The following PBX4 variants were observed in gnomAD, a reference collection of about 807,000 sequenced individuals.
PBX4 encodes the protein pre-B-cell leukemia transcription factor 4.
A neutral mutation model predicts 35.1 loss-of-function variants in PBX4; 26 were observed. The observed-to-expected ratio is 0.74, with a 90% confidence interval of 0.54 to 1.03. The LOEUF (loss-of-function observed/expected upper bound fraction) is 1.03. PBX4 is among the 50% of genes least tolerant of loss of function. PBX4 has a pLI of 0.00. For missense variants in PBX4, 448 were observed against 504.3 expected (o/e 0.89, Z 1.07); for synonymous variants, 199 against 204.2 (o/e 0.97, Z 0.22).
intron 1 of PBX4, among the ~76,000 whole-genome samples, chr19:19,603,775 A>G (rs535450133): frequency 2.0e-5 from 3 of 151,378 alleles, no homozygotes; most frequent in Admixed American, 6.6e-5. Context: ...TGGCCAACAT[A>G]GTGAGACAAT....
chr19:19,616,632 T>G (rs932881430), intron 1 of PBX4, among the ~76,000 whole-genome samples: 6 of 151,838 alleles, frequency 4.0e-5, no homozygotes, highest in Non-Finnish European at 8.8e-5. Context: ...AACAAAACTC[T>G]TTACTGAGAT....
rs112396932 is a variant in PBX4 at position 19,618,634 on chromosome 19, G to A, written c.-5C>T. 2.5e-6 allele frequency: 3 copies of A among 1,221,178 alleles called. No individual in the cohort carries two copies. Among genetic ancestry groups the A allele is most frequent in the East Asian group, 3.4e-5 (1 of 29,210 alleles). 75.6% of individuals were successfully genotyped at this position (1,221,178 alleles called of 1,614,324 possible). A position where few individuals can be genotyped will look rare whatever the true frequency, so the allele number is the denominator to read the frequency against. On this transcript the variant is annotated 5_prime_UTR_variant, in exon 1 of 8. Transcript: ENST00000251203. ...GGGGCGCGGCGGGGCGGCCATGAGC[G>A]GCAGGGCCGGGCGGGCGCTGTGAGG...
At chr19:19,610,072 G>A (rs543875037) in intron 1 of PBX4, among the ~76,000 whole-genome samples, 1 of 152,174 alleles carries the variant, frequency 6.6e-6, no homozygotes, top group African/African-American at 2.4e-5. Flanking sequence ...TATTTCAAAG[G>A]GGATTTTGCC....
At chr19:19,600,782 A>C (rs1293248841) in intron 1 of PBX4, among the ~76,000 whole-genome samples, 1 of 150,230 alleles carries the variant, frequency 6.7e-6, no homozygotes, top group African/African-American at 2.5e-5. Context: ...GCACCAGTGA[A>C]CTCCAGCCTG....
intron 4 of PBX4, among the ~76,000 whole-genome samples, chr19:19,569,828 T>A (rs2061369266): frequency 6.6e-6 from 1 of 152,172 alleles, no homozygotes; most frequent in Admixed American, 6.6e-5. Flanking sequence ...TAGAATCGCT[T>A]GAACCTGGGA....
intron 1 of PBX4, among the ~76,000 whole-genome samples, chr19:19,614,091 C>T (rs971810814): frequency 7.2e-5 from 11 of 152,174 alleles, no homozygotes; most frequent in Non-Finnish European, 1.3e-4. Context: ...CTCTGGGAGG[C>T]CAAGATGGGT....
At chr19:19,592,671 C>G (rs2061536259) in intron 2 of PBX4, among the ~76,000 whole-genome samples, 2 of 152,172 alleles carry the variant, frequency 1.3e-5, no homozygotes, top group Non-Finnish European at 2.9e-5. Context: ...ATAAGGGGAA[C>G]TGGATGAAAG....
At chr19:19,584,623 GTTT>G (rs34113731) in intron 2 of PBX4, among the ~76,000 whole-genome samples, 4 of 132,110 alleles carry the variant, frequency 3.0e-5, no homozygotes, top group Non-Finnish European at 1.6e-5. Flanking sequence ...CCAAGGGCTG[GTTT>G]TTTTTTTTTT....
At chr19:19,571,434 C>T (rs2061382244) in intron 2 of PBX4, among the ~76,000 whole-genome samples, 1 of 152,134 alleles carries the variant, frequency 6.6e-6, no homozygotes, top group African/African-American at 2.4e-5. Context: ...AGATAATGGG[C>T]CCTACAATTT....
chr19:19,563,000 T>A lies in PBX4; in HGVS notation c.1032+509A>T, dbSNP rs1028925386. Among the ~76,000 whole-genome samples the A allele has an allele frequency of 5.9e-5, 9 of 152,094 alleles. No homozygotes were observed. Among genetic ancestry groups the A allele is most frequent in the Admixed American group, 4.6e-4 (7 of 15,256 alleles). ...TTGGGAGGGGCACCCGGCTCTGCAG[T>A]GCCCTGGCACACACCACACACACAG... On this transcript the variant is annotated intron_variant, in intron 7 of 7. Coordinates refer to ENST00000251203, the MANE Select transcript of PBX4 (RefSeq NM_025245.3). The surrounding 1 kb of genome is among the most constrained non-coding windows in gnomAD (Gnocchi z 4.8).
chr19:19,611,815 A>G (rs1452783773), intron 1 of PBX4, among the ~76,000 whole-genome samples: 6 of 152,028 alleles, frequency 3.9e-5, no homozygotes, highest in Non-Finnish European at 8.8e-5. Context: ...CTCACACACC[A>G]CACTGCTTGC....
chr19:19,580,502 A>C (rs2061447339), intron 2 of PBX4, among the ~76,000 whole-genome samples: 1 of 152,158 alleles, frequency 6.6e-6, no homozygotes. Context: ...ACCTGGGCTG[A>C]GGTTAACTTT....
chr19:19,562,031 A>T lies in PBX4; in HGVS notation c.1119T>A (p.Ser373=). ...GDPGSINSST[S]N The stretch of plus-strand genomic sequence containing the variant: ...TCCTGCTTATCCCCCAAACTTAATT[A>T]GATGTACTGGAGTTGATGCTGCCAG... Residue 373 remains serine, a synonymous_variant, in exon 8 of 8, where the codon TCT becomes TCA. Coordinates refer to ENST00000251203, the MANE Select transcript of PBX4 (RefSeq NM_025245.3). This position sits in a 1 kb window ranked among gnomAD's most constrained non-coding sequence, Gnocchi z 4.8. The T allele has an allele frequency of 6.2e-7, 1 of 1,611,860 alleles. No homozygotes were observed. Among genetic ancestry groups the T allele is most frequent in the African/African-American group, 1.3e-5 (1 of 74,972 alleles).
chr19:19,567,146 C>A (rs2061347722), intron 5 of PBX4, among the ~76,000 whole-genome samples: 1 of 152,162 alleles, frequency 6.6e-6, no homozygotes. Context: ...ACATGGGAGG[C>A]CCCAGAGGCT....
At chr19:19,564,279 G>A (rs1381725934) in intron 6 of PBX4, among the ~76,000 whole-genome samples, 1 of 150,984 alleles carries the variant, frequency 6.6e-6, no homozygotes, top group Admixed American at 6.6e-5. Context: ...TACTGAGAAT[G>A]ATGATTTCCA....
chr19:19,565,225 C>T, intron 5 of PBX4, 136 bp from the exon 6 acceptor site: 1 of 1,107,706 alleles, frequency 9.0e-7, no homozygotes, highest in Non-Finnish European at 1.3e-6. Flanking sequence ...TATGAAGAGT[C>T]TGGGACTGAG....
chr19:19,562,146 T>G lies in PBX4; in HGVS notation c.1033-29A>C, dbSNP rs377664465. 42 of 1,563,038 alleles carry G rather than the reference T, an allele frequency of 2.7e-5. No individual in the cohort carries two copies. In the African/African-American group the frequency reaches 4.6e-4, roughly 17 times the overall value. On this transcript the variant is annotated intron_variant, in intron 7 of 7. Transcript: ENST00000251203. This position sits in a 1 kb window ranked among gnomAD's most constrained non-coding sequence, Gnocchi z 4.8. Reference sequence around the variant, plus strand: ...AAACGACAGAGACTGAGCATCAGAGTGGGTGGCCGTGAGACTGGTGACTAC... The same window carrying G: ...AAACGACAGAGACTGAGCATCAGAGGGGGTGGCCGTGAGACTGGTGACTAC...
intron 1 of PBX4, among the ~76,000 whole-genome samples, chr19:19,610,152 G>A (rs1421779935): frequency 2.6e-5 from 4 of 152,208 alleles, no homozygotes; most frequent in African/African-American, 9.7e-5. Flanking sequence ...GGTGGCTCAC[G>A]TCTGTAATCC....
In PBX4 at chr19:19,561,970, C is replaced by T. The variant is rs749827879; in HGVS notation, c.*55G>A. The T allele has an allele frequency of 1.3e-4, 189 of 1,475,740 alleles. No homozygotes were observed. Among genetic ancestry groups the T allele is most frequent in the East Asian group, 3.5e-4 (14 of 40,560 alleles). The allele number at this position is 1,475,740 out of a possible 1,614,324, so 91.4% of individuals were successfully genotyped here. A position where few individuals can be genotyped will look rare whatever the true frequency, so the allele number is the denominator to read the frequency against. On this transcript the variant is annotated 3_prime_UTR_variant, in exon 8 of 8. Coordinates refer to ENST00000251203, the MANE Select transcript of PBX4 (RefSeq NM_025245.3). The stretch of plus-strand genomic sequence containing the variant: ...GGCGGCACGTTCAGTAACAAAGCAA[C>T]GGCTGGCGATACATGGCAGCTCACG...
Sources: gnomAD v4.1 joint callset for allele counts (sites outside exome capture counted in the v4.1 genomes callset) on GRCh38, gnomAD v4.1.1 for gene constraint, Gnocchi (gnomAD v3.1) non-coding constraint, MANE v1.5 for transcripts, NCBI Gene and HGNC (gene_info 2026-07-23, HGNC 2026-07-21) for gene names.